The following SORL1 variants were observed in gnomAD, a reference collection of about 807,000 sequenced individuals.
The protein encoded by SORL1 is sortilin-related receptor.
SORL1 carries 127 observed loss-of-function variants against 273.7 expected under a neutral mutation model. That is an observed-to-expected ratio of 0.46 (90% CI 0.40 to 0.54). The LOEUF is 0.54. Among genes scored for constraint, SORL1 ranks in the 20% least tolerant of loss-of-function variants. The probability of loss-of-function intolerance (pLI) is 0.00; values close to 1 mark genes in which losing one functional copy is unlikely to be tolerated. For missense variants in SORL1, 2,494 were observed against 2,846.1 expected, an observed-to-expected ratio of 0.88 and a Z score of 2.81; for synonymous variants, 1,031 against 1,067.4, an observed-to-expected ratio of 0.97 and a Z score of 0.66.
chr11:121,539,697 C>A (rs953187341), intron 12 of SORL1, among the ~76,000 whole-genome samples: 7 of 150,924 alleles, frequency 4.6e-5, no homozygotes, highest in Admixed American at 1.3e-4. Context: ...GTCTTTATTT[C>A]TTTTGTTTTC....
intron 14 of SORL1, among the ~76,000 whole-genome samples, chr11:121,549,291 C>T (rs376239864): frequency 1.3e-5 from 2 of 152,138 alleles, no homozygotes; most frequent in African/African-American, 4.8e-5. Context: ...GGCGCAATCA[C>T]GGCTCACTAC....
At position 121,595,679 on chromosome 11, in the gene SORL1, T is replaced by C. The variant is rs1863284094; in HGVS notation, c.4426T>C (p.Phe1476Leu). ...TQLGRCDRFEFECHQPKTCIP... is the reference protein window; with the variant it reads ...TQLGRCDRFELECHQPKTCIP... Reference sequence around the variant, plus strand: ...ACTTGGGCGATGTGACCGATTTGAGTTCGAATGCCACCAACCGAAGACGTG... The same window carrying C: ...ACTTGGGCGATGTGACCGATTTGAGCTCGAATGCCACCAACCGAAGACGTG... The change falls in exon 32 of 48, where the codon TTC becomes CTC. Residue 1476 changes from phenylalanine to leucine, a missense_variant. By Grantham distance (22) the Phe-to-Leu change is conservative. Coordinates refer to ENST00000260197, the MANE Select transcript of SORL1 (RefSeq NM_003105.6). This position sits in a 1 kb window ranked among gnomAD's most constrained non-coding sequence, Gnocchi z 5.1. 1 of 1,613,648 alleles carries C rather than the reference T, an allele frequency of 6.2e-7. No individual in the cohort carries two copies. The highest frequency in any genetic ancestry group is 8.5e-7 in the Non-Finnish European group (1 of 1,179,814).
chr11:121,614,753 T>C, intron 40 of SORL1, 118 bp from the exon 41 acceptor site: 1 of 767,014 alleles, frequency 1.3e-6, no homozygotes, highest in Non-Finnish European at 2.2e-6. Flanking sequence ...CTACAGCACA[T>C]GGGACTCATT....
intron 16 of SORL1, among the ~76,000 whole-genome samples, chr11:121,552,517 G>A (rs990021895): frequency 9.9e-5 from 15 of 152,218 alleles, no homozygotes; most frequent in Non-Finnish European, 1.9e-4. Context: ...TGGGGCAAAA[G>A]CCTTGCTGCT....
chr11:121,503,223 C>T (rs1174947673), intron 6 of SORL1, among the ~76,000 whole-genome samples: 2 of 151,918 alleles, frequency 1.3e-5, no homozygotes, highest in South Asian at 2.1e-4. Context: ...GCTGCCTGTG[C>T]TGTTGTTATA....
chr11:121,617,880 A>G (rs745307571), intron 41 of SORL1, among the ~76,000 whole-genome samples: 13 of 152,182 alleles, frequency 8.5e-5, no homozygotes, highest in Non-Finnish European at 1.9e-4. Flanking sequence ...GGCTTCGAAC[A>G]GTTTATTTCC....
intron 1 of SORL1, among the ~76,000 whole-genome samples, chr11:121,458,915 C>G (rs763713193): frequency 6.6e-6 from 1 of 152,158 alleles, no homozygotes; most frequent in Non-Finnish European, 1.5e-5. Flanking sequence ...GACTGCGTAA[C>G]GATCACAAGT....
intron 12 of SORL1, among the ~76,000 whole-genome samples, chr11:121,540,781 A>T (rs775879813): frequency 5.3e-5 from 8 of 152,190 alleles, no homozygotes; most frequent in Admixed American, 1.3e-4. Flanking sequence ...AGTTATTGTC[A>T]GAGTCCTCTG....
chr11:121,476,143 G>T (rs1241627164), intron 2 of SORL1, among the ~76,000 whole-genome samples: 1 of 152,220 alleles, frequency 6.6e-6, no homozygotes, highest in Non-Finnish European at 1.5e-5. Context: ...AGGGACTTTA[G>T]TTTCCTTCCT....
chr11:121,474,984 C>T (rs1392239329), intron 2 of SORL1, among the ~76,000 whole-genome samples: 1 of 152,186 alleles, frequency 6.6e-6, no homozygotes, highest in Non-Finnish European at 1.5e-5. Flanking sequence ...GGACTGGGTG[C>T]GGAGGCTCAT....
At position 121,589,425 on chromosome 11, in the gene SORL1, C is replaced by A. The variant is rs755888773; in HGVS notation, c.4078+35C>A. ...CCAGTCTGCCTCCTCACATCCTAAT[C>A]CTCTAGTTAACAGTGATGCCTGCAG... On this transcript the variant is annotated intron_variant, in intron 29 of 47. Coordinates refer to ENST00000260197, the MANE Select transcript of SORL1 (RefSeq NM_003105.6). 7 of 1,610,078 alleles carry A rather than the reference C, an allele frequency of 4.3e-6. No homozygotes were observed. The Admixed American group carries it at 1.0e-4, about 23-fold the overall frequency.
intron 18 of SORL1, 138 bp from the exon 19 acceptor site, chr11:121,557,176 G>A (rs1862599774): frequency 2.2e-5 from 15 of 695,262 alleles, no homozygotes; most frequent in East Asian, 7.5e-5. Flanking sequence ...GGCAGGTTTC[G>A]CAGATGGGTC....
chr11:121,527,327 T>A (rs958444657), intron 11 of SORL1, among the ~76,000 whole-genome samples: 4 of 152,144 alleles, frequency 2.6e-5, no homozygotes, highest in African/African-American at 4.8e-5. Flanking sequence ...TAGAACAACC[T>A]GGAATTACTA....
Position 121,574,223 on chromosome 11 carries a change from C to T in SORL1, c.3338-18C>T. On this transcript the variant is annotated intron_variant, in intron 23 of 47. Coordinates refer to ENST00000260197, the MANE Select transcript of SORL1 (RefSeq NM_003105.6). ...CAATTGTACCTAAGGAATATGTTGT[C>T]TTTCTATCCCATTTTAGCTACCACC... The T allele has an allele frequency of 1.2e-6, 2 of 1,612,976 alleles. No homozygotes were observed. The highest frequency in any genetic ancestry group is 1.7e-6 in the Non-Finnish European group (2 of 1,179,158).
chr11:121,495,820 C>G (rs1284643797), intron 5 of SORL1, among the ~76,000 whole-genome samples: 1 of 152,070 alleles, frequency 6.6e-6, no homozygotes, highest in Admixed American at 6.6e-5. Flanking sequence ...TTGAATTGCC[C>G]CACAGATCCA....
intron 43 of SORL1, among the ~76,000 whole-genome samples, chr11:121,620,125 A>G (rs758307644): frequency 3.9e-4 from 59 of 152,048 alleles, no homozygotes; most frequent in Non-Finnish European, 1.0e-4. Context: ...ATTCCTAGCT[A>G]CCATTTTGGT....
intron 44 of SORL1, among the ~76,000 whole-genome samples, chr11:121,621,621 A>G (rs1304694545): frequency 6.6e-6 from 1 of 152,194 alleles, no homozygotes; most frequent in Admixed American, 6.5e-5. Flanking sequence ...CATTGTGGCA[A>G]TCTGACATGT....
Position 121,609,608 on chromosome 11 carries a change from C to T in SORL1, c.5239+1432C>T, listed in dbSNP as rs558723121. 1.5e-4 allele frequency: 23 copies of T among 152,326 alleles called. No homozygotes were observed. The South Asian group carries it at 2.1e-3, about 14-fold the overall frequency. 9.4% of individuals were successfully genotyped at this position (152,326 alleles called of 1,614,324 possible). ...GCATATATTTGGGCTAGGATTTGTA[C>T]AGAAGGCAGCTGTGTGCCACATCCA... is the stretch of plus-strand genomic sequence containing the variant. On this transcript the variant is annotated intron_variant, in intron 38 of 47. Coordinates refer to ENST00000260197, the MANE Select transcript of SORL1 (RefSeq NM_003105.6).
rs57842880 is a variant in SORL1 at position 121,502,124 on chromosome 11, C to CTTTTTTTT, written c.939+5097_939+5104dup. Among the ~76,000 whole-genome samples the CTTTTTTTT allele has an allele frequency of 4.1e-3, 267 of 65,180 alleles. 65 individuals carry two copies. Among genetic ancestry groups the CTTTTTTTT allele is most frequent in the South Asian group, 8.5e-3 (12 of 1,406 alleles). The allele number at this position is 65,180 out of a possible 152,430, so 42.8% of individuals were successfully genotyped here. ...GTAACTACTGGGTCATGTGACAATT[C>CTTTTTTTT]TTTTTTTTTTTTTTTTTTTTTTTTT... On this transcript the variant is annotated intron_variant, in intron 6 of 47. Coordinates refer to ENST00000260197, the MANE Select transcript of SORL1 (RefSeq NM_003105.6).
Sources: gnomAD v4.1 joint callset for allele counts (sites outside exome capture counted in the v4.1 genomes callset) on GRCh38, gnomAD v4.1.1 for gene constraint, Gnocchi (gnomAD v3.1) non-coding constraint, MANE v1.5 for transcripts, NCBI Gene and HGNC (gene_info 2026-07-23, HGNC 2026-07-21) for gene names.